Variants in STK3 observed in about 807,000 individuals in gnomAD.
The protein encoded by STK3 is serine/threonine-protein kinase 3.
STK3 carries 41 observed loss-of-function variants against 58.0 expected under a neutral mutation model. The ratio of observed to expected loss-of-function variants is 0.71; its 90% confidence interval spans 0.55 to 0.92. The LOEUF (loss-of-function observed/expected upper bound fraction) is 0.92, where lower values mean the gene tolerates loss of function less well. Ranked by LOEUF, STK3 falls within the 40% of genes least tolerant of loss-of-function variation. STK3 has a pLI of 0.00. For missense variants in STK3, 479 were observed against 602.7 expected (o/e 0.79, Z 2.15); for synonymous variants, 170 against 191.0 (o/e 0.89, Z 0.91).
At chr8:98,858,489 T>C (rs1836799027) in intron 3 of STK3, among the ~76,000 whole-genome samples, 1 of 150,402 alleles carries the variant, frequency 6.6e-6, no homozygotes, top group South Asian at 2.1e-4. Flanking sequence ...TTAAACTCTC[T>C]CTTGTACCTG....
intron 1 of STK3, among the ~76,000 whole-genome samples, chr8:98,822,555 T>C (rs555540284): frequency 2.6e-5 from 4 of 152,230 alleles, no homozygotes; most frequent in Non-Finnish European, 4.4e-5. Flanking sequence ...TATATCACAT[T>C]AGGAATTCAG....
At chr8:98,658,831 TGTCACA>T (rs1821744847) in intron 6 of STK3, among the ~76,000 whole-genome samples, 1 of 152,070 alleles carries the variant, frequency 6.6e-6, no homozygotes, top group Non-Finnish European at 1.5e-5. Flanking sequence ...CAATTCCACA[TGTCACA>T]GAGTTAAAAA....
downstream of STK3, among the ~76,000 whole-genome samples, chr8:98,371,123 T>C (rs1817606056): frequency 6.6e-6 from 1 of 152,170 alleles, no homozygotes. Flanking sequence ...TACATGGTTG[T>C]TTGTGCCTGC....
chr8:98,903,816 A>G (rs890406460), intron 1 of STK3, among the ~76,000 whole-genome samples: 3 of 152,156 alleles, frequency 2.0e-5, no homozygotes, highest in African/African-American at 7.2e-5. Flanking sequence ...GATTTACTGC[A>G]GCTTTCATTC....
intron 6 of STK3, among the ~76,000 whole-genome samples, chr8:98,607,528 A>T (rs1207390593): frequency 6.6e-6 from 1 of 152,270 alleles, no homozygotes; most frequent in Non-Finnish European, 1.5e-5. Context: ...GATTTAAAAA[A>T]TACTCTTTTT....
chr8:98,357,336 C>G, the STK3 span, among the ~76,000 whole-genome samples: 2 of 152,118 alleles, frequency 1.3e-5, no homozygotes, highest in Non-Finnish European at 2.9e-5. Flanking sequence ...TGGGTTCTCA[C>G]AGCAAGGATT....
At chr8:98,785,830 AAAG>A (rs1373871122) in intron 1 of STK3, among the ~76,000 whole-genome samples, 2 of 152,222 alleles carry the variant, frequency 1.3e-5, no homozygotes, top group Non-Finnish European at 2.9e-5. Context: ...GGGGAAAGGG[AAAG>A]AAGAAAAAAA....
chr8:98,580,225 T>C (rs995202686), intron 7 of STK3, among the ~76,000 whole-genome samples: 1 of 152,212 alleles, frequency 6.6e-6, no homozygotes. Context: ...AGAGCAACTA[T>C]TTTGTTACTT....
intron 9 of STK3, among the ~76,000 whole-genome samples, chr8:98,544,099 C>G (rs1810503792): frequency 6.6e-6 from 1 of 151,754 alleles, no homozygotes; most frequent in South Asian, 2.1e-4. Context: ...ACGAGAGTGG[C>G]AGAAGCAACG....
chr8:98,813,968 CAT>C (rs1834380677), intron 1 of STK3, among the ~76,000 whole-genome samples: 1 of 151,868 alleles, frequency 6.6e-6, no homozygotes, highest in Non-Finnish European at 1.5e-5. Flanking sequence ...AAGGCTCATA[CAT>C]TTTAATCCAG....
chr8:98,512,317 G>A (rs1216513980), intron 10 of STK3, among the ~76,000 whole-genome samples: 3 of 152,064 alleles, frequency 2.0e-5, no homozygotes, highest in African/African-American at 7.2e-5. Flanking sequence ...GTAATTGATT[G>A]GTCTGAATTG....
intron 6 of STK3, among the ~76,000 whole-genome samples, chr8:98,685,380 T>C (rs1823912357): frequency 1.3e-5 from 2 of 152,212 alleles, no homozygotes; most frequent in Non-Finnish European, 2.9e-5. Context: ...AGAGTAGGAA[T>C]GCCTCTTTCC....
chr8:98,578,552 A>G (rs901456882), intron 8 of STK3, among the ~76,000 whole-genome samples: 1 of 152,246 alleles, frequency 6.6e-6, no homozygotes, highest in Non-Finnish European at 1.5e-5. Flanking sequence ...ATTGGTAAAA[A>G]GAGTAAAAGA....
At chr8:98,860,832 A>G (rs1836906085) in intron 3 of STK3, among the ~76,000 whole-genome samples, 1 of 152,238 alleles carries the variant, frequency 6.6e-6, no homozygotes, top group Admixed American at 6.5e-5. Flanking sequence ...AGGTGGGCAG[A>G]CACCTTGAGT....
chr8:98,589,076 C>G (rs1207377054), intron 7 of STK3, among the ~76,000 whole-genome samples: 1 of 152,106 alleles, frequency 6.6e-6, no homozygotes, highest in African/African-American at 2.4e-5. Context: ...ATTTGATCGT[C>G]TGAAGCCTTC....
intron 8 of STK3, among the ~76,000 whole-genome samples, chr8:98,564,060 T>A (rs565132493): frequency 6.6e-6 from 1 of 152,290 alleles, no homozygotes; most frequent in East Asian, 1.9e-4. Context: ...AGTCATGTGA[T>A]CCTGGTTAAC....
At chr8:98,502,238 T>A (rs952923410) in intron 10 of STK3, among the ~76,000 whole-genome samples, 8 of 152,186 alleles carry the variant, frequency 5.3e-5, no homozygotes, top group African/African-American at 1.9e-4. Flanking sequence ...ATGCTTGTGA[T>A]TTTTGCACAT....
chr8:98,577,218 G>C (rs1381689525), intron 8 of STK3, among the ~76,000 whole-genome samples: 2 of 152,172 alleles, frequency 1.3e-5, no homozygotes, highest in African/African-American at 4.8e-5. Context: ...CGGGCGCAGT[G>C]GCTCATGCCT....
intron 1 of STK3, among the ~76,000 whole-genome samples, chr8:98,790,984 A>C (rs1327898499): frequency 1.4e-5 from 2 of 141,740 alleles, no homozygotes; most frequent in African/African-American, 5.3e-5. Context: ...ACTCCGTCTC[A>C]AAAAAAAAAA....
Sources: gnomAD v4.1 joint callset for allele counts (sites outside exome capture counted in the v4.1 genomes callset) on GRCh38, gnomAD v4.1.1 for gene constraint, MANE v1.5 for transcripts, NCBI Gene and HGNC (gene_info 2026-07-23, HGNC 2026-07-21) for gene names.